COL4A6: variants seen among roughly 807,000 people sequenced by gnomAD.
COL4A6 encodes collagen type IV alpha 6 chain.
COL4A6 carries 59 observed loss-of-function variants against 126.7 expected under a neutral mutation model. The observed-to-expected ratio is 0.47, with a 90% confidence interval of 0.38 to 0.58. COL4A6 has a LOEUF of 0.58. COL4A6 is among the 20% of genes least tolerant of loss of function. The pLI is 0.00. For synonymous variants in COL4A6, 547 were observed against 496.6 expected (o/e 1.10, Z -1.35); for missense variants, 1,285 against 1,337.3 (o/e 0.96, Z 0.61).
At position 108,191,466 on chromosome X, in the gene COL4A6, A is replaced by G. The variant is rs1483437722; in HGVS notation, c.1248T>C (p.Arg416=). 8.3e-7 allele frequency: 1 copy of G among 1,211,563 alleles called. No individual in the cohort carries two copies. Among genetic ancestry groups the G allele is most frequent in the Non-Finnish European group, 1.1e-6 (1 of 895,351 alleles). Residue 416 remains arginine, a synonymous_variant, in exon 19 of 45, where the codon CGT becomes CGC. Transcript: ENST00000334504. Reference sequence around the variant, plus strand: ...GGAGGCCAGCTGCTCCAATTGTGGTACGGCCTGGGTTTCCTTGGTCCCCCT... The same window carrying G: ...GGAGGCCAGCTGCTCCAATTGTGGTGCGGCCTGGGTTTCCTTGGTCCCCCT... The part of the protein sequence containing the change: ...GLKGDQGNPG[R]TTIGAAGLPG...
At chrX:108,180,720 T>C in intron 24 of COL4A6, 98 bp from the exon 25 acceptor site, 1 of 784,809 alleles carries the variant, frequency 1.3e-6, no homozygotes, top group Non-Finnish European at 1.9e-6. Context: ...TTGGAGAGCC[T>C]CTCCTTGTCT....
intron 2 of COL4A6, among the ~76,000 whole-genome samples, chrX:108,382,275 T>A (rs763189734): frequency 8.9e-6 from 1 of 112,501 alleles, no homozygotes; most frequent in East Asian, 2.8e-4. Flanking sequence ...CTATGTGACC[T>A]TTGGAAAGTT....
intron 3 of COL4A6, among the ~76,000 whole-genome samples, chrX:108,248,388 A>G (rs982987370): frequency 2.7e-5 from 3 of 110,841 alleles, no homozygotes; most frequent in African/African-American, 9.9e-5. Context: ...CTTTCATGTG[A>G]ACTTCCACAT....
intron 2 of COL4A6, among the ~76,000 whole-genome samples, chrX:108,430,835 G>A (rs1327417734): frequency 9.0e-6 from 1 of 111,482 alleles, no homozygotes; most frequent in East Asian, 2.8e-4. Flanking sequence ...CTGTATTTGG[G>A]GCAATAAAAA....
chrX:108,213,459 A>C (rs2035769182), intron 6 of COL4A6, among the ~76,000 whole-genome samples: 1 of 112,139 alleles, frequency 8.9e-6, no homozygotes, highest in African/African-American at 3.2e-5. Context: ...GAATCCAATA[A>C]ATACCTTATC....
intron 7 of COL4A6, 44 bp downstream of exon 7, chrX:108,211,628 C>T (rs888924241): frequency 3.5e-6 from 4 of 1,152,231 alleles, no homozygotes; most frequent in Non-Finnish European, 3.6e-6. Context: ...TGCTGGGGAA[C>T]CCAGCTTATA....
intron 2 of COL4A6, among the ~76,000 whole-genome samples, chrX:108,403,976 A>T (rs899171357): frequency 1.8e-5 from 2 of 111,531 alleles, no homozygotes. Context: ...TGATTTAATA[A>T]GGGGGTCTTA....
intron 17 of COL4A6, among the ~76,000 whole-genome samples, 176 bp from the exon 18 acceptor site, chrX:108,192,756 C>A (rs907680238): frequency 3.6e-5 from 4 of 112,366 alleles, no homozygotes; most frequent in Non-Finnish European, 7.5e-5. Context: ...AGCCAAGGGG[C>A]CTTCTGGAGC....
intron 3 of COL4A6, among the ~76,000 whole-genome samples, chrX:108,287,909 C>G (rs940141172): frequency 1.5e-4 from 17 of 111,746 alleles, no homozygotes; most frequent in African/African-American, 4.9e-4. Context: ...CTGGGGTCAT[C>G]ATAGGGCTCA....
Position 108,221,168 on chromosome X carries a change from G to T in COL4A6, c.279+72C>A, listed in dbSNP as rs747930527. The T allele has an allele frequency of 5.2e-6, 6 of 1,160,219 alleles. 1 individual carries two copies. In the East Asian group the frequency reaches 1.8e-4, roughly 35 times the overall value. Reference sequence around the variant, plus strand: ...AATGACATCATAAATGAGCAGAACTGGGATGGAGAACTTCTGATCTTTACA... The same window carrying T: ...AATGACATCATAAATGAGCAGAACTTGGATGGAGAACTTCTGATCTTTACA... On this transcript the variant is annotated intron_variant, in intron 4 of 44. Transcript: ENST00000334504.
chrX:108,300,372 G>C (rs903946203), intron 3 of COL4A6, among the ~76,000 whole-genome samples: 4 of 108,423 alleles, frequency 3.7e-5, no homozygotes, highest in African/African-American at 1.3e-4. Flanking sequence ...CTCTCTGTGT[G>C]TGTGTGTGTG....
chrX:108,228,668 T>G (rs2036230939), intron 3 of COL4A6, among the ~76,000 whole-genome samples: 1 of 110,981 alleles, frequency 9.0e-6, no homozygotes, highest in African/African-American at 3.3e-5. Flanking sequence ...AGGTACAGAG[T>G]GAAGGGTGGG....
chrX:108,169,813 A>G (rs1460443750), intron 36 of COL4A6, 132 bp downstream of exon 36: 15 of 825,839 alleles, frequency 1.8e-5, no homozygotes, highest in Admixed American at 1.1e-4. Context: ...AGGGACCTCA[A>G]ATTGGAGGTT....
intron 3 of COL4A6, among the ~76,000 whole-genome samples, chrX:108,255,329 G>C (rs1332114): frequency 2.7e-5 from 3 of 109,145 alleles, no homozygotes. Flanking sequence ...ACATTATCTA[G>C]AAGAGTCTGT....
intron 2 of COL4A6, among the ~76,000 whole-genome samples, chrX:108,364,464 C>G (rs1370328099): frequency 9.0e-6 from 1 of 110,649 alleles, no homozygotes; most frequent in African/African-American, 3.3e-5. Flanking sequence ...TTAAGGGGTA[C>G]AAGTGCAGTT....
At chrX:108,212,469 T>G (rs1271535138) in intron 6 of COL4A6, among the ~76,000 whole-genome samples, 1 of 111,370 alleles carries the variant, frequency 9.0e-6, no homozygotes, top group Non-Finnish European at 1.9e-5. Flanking sequence ...CTGGCTAATA[T>G]CTGTTAGAGT....
At chrX:108,368,016 TG>T (rs2040243039) in intron 2 of COL4A6, among the ~76,000 whole-genome samples, 1 of 110,799 alleles carries the variant, frequency 9.0e-6, no homozygotes. Context: ...ACAGAAACTT[TG>T]TTTTTTTTTT....
At chrX:108,342,589 A>C (rs1395424633) in intron 2 of COL4A6, among the ~76,000 whole-genome samples, 1 of 111,848 alleles carries the variant, frequency 8.9e-6, no homozygotes, top group Non-Finnish European at 1.9e-5. Context: ...ATGAATGAGA[A>C]AAGCAATGGC....
intron 2 of COL4A6, among the ~76,000 whole-genome samples, chrX:108,397,128 T>C (rs2040982914): frequency 8.9e-6 from 1 of 111,762 alleles, no homozygotes; most frequent in African/African-American, 3.2e-5. Context: ...TCTCCTTCAC[T>C]AAGCCAGGCC....
Sources: gnomAD v4.1 joint callset for allele counts (sites outside exome capture counted in the v4.1 genomes callset) on GRCh38, gnomAD v4.1.1 for gene constraint, MANE v1.5 for transcripts, NCBI Gene and HGNC (gene_info 2026-07-23, HGNC 2026-07-21) for gene names.